Variants in ZNF385D observed in about 807,000 individuals in gnomAD.
ZNF385D encodes the protein zinc finger protein 659.
In ZNF385D, 15 loss-of-function variants were observed where a neutral mutation model predicts 35.8. The observed-to-expected ratio is 0.42, with a 90% confidence interval of 0.28 to 0.64. The LOEUF is 0.64. Among genes scored for constraint, ZNF385D ranks in the 30% least tolerant of loss-of-function variants. ZNF385D has a pLI of 0.23. For missense variants in ZNF385D, 474 were observed against 494.6 expected, an observed-to-expected ratio of 0.96 and a Z score of 0.39; for synonymous variants, 212 against 186.8, an observed-to-expected ratio of 1.13 and a Z score of -1.10.
chr3:22,019,768 C>A (rs7616840), intron 3 of ZNF385D, among the ~76,000 whole-genome samples: 1 of 151,528 alleles, frequency 6.6e-6, no homozygotes, highest in Non-Finnish European at 1.5e-5. Flanking sequence ...ATCTATGCTG[C>A]GGGAACTGGG....
At chr3:22,080,593 T>A (rs922573543) in intron 3 of ZNF385D, among the ~76,000 whole-genome samples, 2 of 151,866 alleles carry the variant, frequency 1.3e-5, no homozygotes, top group Non-Finnish European at 2.9e-5. Flanking sequence ...ATATAAAAAA[T>A]TTTATATTTT....
At chr3:21,757,470 T>C (rs1483902874) in intron 3 of ZNF385D, among the ~76,000 whole-genome samples, 1 of 152,176 alleles carries the variant, frequency 6.6e-6, no homozygotes, top group African/African-American at 2.4e-5. Context: ...TGACTCTTTC[T>C]AATTTGATAG....
At chr3:22,090,446 A>G (rs906625389) in intron 3 of ZNF385D, among the ~76,000 whole-genome samples, 4 of 152,028 alleles carry the variant, frequency 2.6e-5, no homozygotes, top group Non-Finnish European at 5.9e-5. Flanking sequence ...GGTAATAATG[A>G]TTATTATAAG....
At chr3:21,686,146 C>G (rs1337428960) in intron 1 of ZNF385D, among the ~76,000 whole-genome samples, 1 of 151,940 alleles carries the variant, frequency 6.6e-6, no homozygotes, top group Non-Finnish European at 1.5e-5. Context: ...TAAAAGTAAC[C>G]TTTTTTTAAT....
intron 2 of ZNF385D, among the ~76,000 whole-genome samples, chr3:22,283,070 C>T (rs1001582939): frequency 6.6e-6 from 1 of 151,888 alleles, no homozygotes; most frequent in Non-Finnish European, 1.5e-5. Context: ...AAGGTAACAG[C>T]AGTTAAAAAA....
chr3:22,276,156 ATTAT>A (rs568456324), intron 2 of ZNF385D, among the ~76,000 whole-genome samples: 11 of 152,184 alleles, frequency 7.2e-5, no homozygotes, highest in Admixed American at 3.9e-4. Flanking sequence ...ATGAAAATTT[ATTAT>A]TTATTATGAA....
At chr3:21,609,186 C>T (rs796177518) in intron 2 of ZNF385D, among the ~76,000 whole-genome samples, 4 of 152,134 alleles carry the variant, frequency 2.6e-5, no homozygotes, top group East Asian at 1.9e-4. Flanking sequence ...TATTCCAGAA[C>T]AGAGTAAAAC....
At chr3:21,920,235 T>C (rs1348900720) in intron 3 of ZNF385D, among the ~76,000 whole-genome samples, 1 of 152,158 alleles carries the variant, frequency 6.6e-6, no homozygotes, top group Admixed American at 6.5e-5. Context: ...CCACAGATTT[T>C]AGCTTTTTGA....
intron 3 of ZNF385D, among the ~76,000 whole-genome samples, chr3:22,154,126 G>T (rs1465918412): frequency 6.6e-6 from 1 of 152,080 alleles, no homozygotes; most frequent in Non-Finnish European, 1.5e-5. Flanking sequence ...CTGGTCCTCG[G>T]GAATATACTG....
intron 1 of ZNF385D, among the ~76,000 whole-genome samples, chr3:21,680,543 T>C (rs9883454): frequency 0.065 from 9,900 of 152,240 alleles, 380 homozygotes; most frequent in East Asian, 0.13. Context: ...CTTCTTTTAG[T>C]GAGGAGCCAC....
chr3:22,010,618 T>C (rs1330153563), intron 3 of ZNF385D, among the ~76,000 whole-genome samples: 3 of 152,158 alleles, frequency 2.0e-5, no homozygotes, highest in African/African-American at 7.2e-5. Context: ...CTTCTGATTG[T>C]CTCTGAATGG....
At chr3:22,016,823 C>G (rs374233113) in intron 3 of ZNF385D, among the ~76,000 whole-genome samples, 1 of 151,992 alleles carries the variant, frequency 6.6e-6, no homozygotes, top group East Asian at 1.9e-4. Flanking sequence ...CCTTACAGTT[C>G]AAGCTCCTAG....
At chr3:21,666,511 T>C (rs932938255) in intron 1 of ZNF385D, among the ~76,000 whole-genome samples, 8 of 152,150 alleles carry the variant, frequency 5.3e-5, no homozygotes, top group Non-Finnish European at 1.0e-4. Flanking sequence ...ATTTTCAAAG[T>C]AGTACAAGGC....
intron 3 of ZNF385D, among the ~76,000 whole-genome samples, chr3:21,809,908 T>A (rs2072835489): frequency 6.6e-6 from 1 of 152,096 alleles, no homozygotes; most frequent in African/African-American, 2.4e-5. Flanking sequence ...AAAAATAACC[T>A]GAAAACAAAA....
intron 3 of ZNF385D, among the ~76,000 whole-genome samples, chr3:22,003,258 C>G (rs966015614): frequency 1.3e-5 from 2 of 152,120 alleles, no homozygotes; most frequent in African/African-American, 4.8e-5. Flanking sequence ...ATACAGAAAT[C>G]AATAGCTTTT....
At chr3:21,708,584 T>C (rs73138898) in intron 1 of ZNF385D, among the ~76,000 whole-genome samples, 40 of 152,272 alleles carry the variant, frequency 2.6e-4, no homozygotes, top group Middle Eastern at 3.4e-3. Flanking sequence ...ATTACTCTAT[T>C]ACATTACTAA....
intron 2 of ZNF385D, among the ~76,000 whole-genome samples, chr3:22,276,139 C>T (rs1314403697): frequency 2.0e-5 from 3 of 151,826 alleles, no homozygotes; most frequent in African/African-American, 7.3e-5. Context: ...GGGGCACTGT[C>T]ACAAAAATGA....
intron 3 of ZNF385D, among the ~76,000 whole-genome samples, chr3:21,849,200 C>A (rs770734877): frequency 1.3e-5 from 2 of 152,046 alleles, no homozygotes; most frequent in Non-Finnish European, 2.9e-5. Context: ...CTTGAAAACA[C>A]TAACATCAAA....
chr3:21,858,434 T>A (rs1210968123), intron 3 of ZNF385D, among the ~76,000 whole-genome samples: 1 of 151,952 alleles, frequency 6.6e-6, no homozygotes, highest in Non-Finnish European at 1.5e-5. Context: ...TAATCCCCAG[T>A]GTGATAGTAT....
Sources: allele counts gnomAD v4.1 joint callset (sites outside exome capture counted in the v4.1 genomes callset), GRCh38; gene constraint gnomAD v4.1.1; transcripts MANE v1.5; gene names NCBI Gene and HGNC (gene_info 2026-07-23, HGNC 2026-07-21).